SUN1: variants seen among roughly 807,000 people sequenced by gnomAD.
SUN1 encodes the protein SUN domain-containing protein 1.
A neutral mutation model predicts 103.2 loss-of-function variants in SUN1; 61 were observed. The observed-to-expected ratio is 0.59, with a 90% CI of 0.48 to 0.73. The LOEUF is 0.73. Ranked by LOEUF, SUN1 falls within the 30% of genes least tolerant of loss-of-function variation. The pLI is 0.00. For synonymous variants in SUN1, 490 were observed against 425.7 expected, an observed-to-expected ratio of 1.15 and a Z score of -1.86; for missense variants, 1,052 against 1,034.6, an observed-to-expected ratio of 1.02 and a Z score of -0.23.
At chr7:819,370 T>G (rs561032596) in intron 1 of SUN1, among the ~76,000 whole-genome samples, 3 of 152,318 alleles carry the variant, frequency 2.0e-5, no homozygotes, top group Admixed American at 6.5e-5. Context: ...TTTCTGTTTT[T>G]TCTTTTGTTG....
At chr7:816,161 G>A, upstream of SUN1, 4 of 273,952 alleles carry the variant, frequency 1.5e-5, no homozygotes, top group Non-Finnish European at 1.3e-5. Context: ...GCGTATCTGA[G>A]GGGCAGAGCC....
chr7:852,551 A>G, intron 7 of SUN1, 58 bp from the exon 8 acceptor site: 2 of 1,606,478 alleles, frequency 1.2e-6, no homozygotes, highest in East Asian at 2.2e-5. Flanking sequence ...GGGAAAACAG[A>G]TTGGTGAACC....
chr7:871,871 G>A (rs1198483323), intron 17 of SUN1, among the ~76,000 whole-genome samples: 1 of 152,278 alleles, frequency 6.6e-6, no homozygotes, highest in South Asian at 2.1e-4. Context: ...AGAGCTTACT[G>A]TTCTAATAAG....
upstream of SUN1, chr7:816,242 A>ACCCC (rs1780417649): frequency 2.6e-5 from 2 of 78,316 alleles, no homozygotes; most frequent in African/African-American, 1.8e-4. Context: ...CCAGGTGCAG[A>ACCCC]TCCCTCCCCC....
In SUN1 at chr7:854,989, C is replaced by T. The variant is rs1825785833; in HGVS notation, c.1333C>T (p.Leu445=). 6 of 1,612,406 alleles carry T rather than the reference C, an allele frequency of 3.7e-6. No individual in the cohort carries two copies. The highest frequency in any genetic ancestry group is 5.1e-6 in the Non-Finnish European group (6 of 1,179,170). Residue 445 remains leucine, a synonymous_variant, in exon 11 of 19, where the codon CTG becomes TTG. Transcript: ENST00000401592. ...ACACTTGGAAGATATTCTGGGAAAACTGAGAGAAAAATCTGAGGTATTTAT... is the reference window on the plus strand; with the variant it reads ...ACACTTGGAAGATATTCTGGGAAAATTGAGAGAAAAATCTGAGGTATTTAT... ...MSHLEDILGK[L]REKSEAIQKE... is the part of the protein sequence containing the mutation.
At chr7:856,016 G>A (rs11761455) in intron 11 of SUN1, among the ~76,000 whole-genome samples, 1 of 152,212 alleles carries the variant, frequency 6.6e-6, no homozygotes, top group East Asian at 1.9e-4. Flanking sequence ...GCACGGCTCA[G>A]CTTCATGTGT....
Position 838,821 on chromosome 7 carries a change from T to A in SUN1, c.101T>A (p.Leu34Gln). 1 of 1,558,968 alleles carries A rather than the reference T, an allele frequency of 6.4e-7. No individual in the cohort carries two copies. Among genetic ancestry groups the A allele is most frequent in the Non-Finnish European group, 8.7e-7 (1 of 1,150,210 alleles). ...ALSSSYSSDALDFETEHKLDP... is the reference protein window; with the variant it reads ...ALSSSYSSDAQDFETEHKLDP... Reference sequence around the variant, plus strand: ...AGTTCCAGCTATTCTTCAGATGCTCTGGATTTTGAGACGGAGCACAAATTG... The same window carrying A: ...AGTTCCAGCTATTCTTCAGATGCTCAGGATTTTGAGACGGAGCACAAATTG... The change falls in exon 2 of 19, where the codon CTG becomes CAG. Residue 34 changes from leucine (L) to glutamine (Q), a missense_variant. Physicochemically the swap from Leu to Gln is moderately radical, Grantham distance 113 (BLOSUM62 -2). This residue lies in a region of SUN1 where 846 missense variants were observed against 774.5 expected (regional missense o/e 1.09). Transcript: ENST00000401592.
chr7:834,431 A>G (rs560366674), intron 1 of SUN1, among the ~76,000 whole-genome samples: 1 of 152,248 alleles, frequency 6.6e-6, no homozygotes, highest in South Asian at 2.1e-4. Context: ...CCCGTGGAGC[A>G]CAGCCGGAGA....
chr7:862,755 A>G (rs1562790161), intron 15 of SUN1, among the ~76,000 whole-genome samples: 1 of 152,218 alleles, frequency 6.6e-6, no homozygotes, highest in Non-Finnish European at 1.5e-5. Context: ...ATTGAAGAAA[A>G]CATTGATTGA....
intron 17 of SUN1, among the ~76,000 whole-genome samples, chr7:870,898 T>G (rs1009247240): frequency 8.7e-6 from 1 of 115,544 alleles, no homozygotes; most frequent in South Asian, 2.6e-4. Context: ...TTTTTTTTTT[T>G]TTTTTTTTTG....
chr7:829,403 C>G (rs569361282), upstream of SUN1, among the ~76,000 whole-genome samples: 1 of 152,088 alleles, frequency 6.6e-6, no homozygotes, highest in African/African-American at 2.4e-5. Flanking sequence ...GCAGGTGTGC[C>G]GGCGAGCAGT....
chr7:821,384 GA>G (rs1785855964), intron 1 of SUN1, among the ~76,000 whole-genome samples: 1 of 152,002 alleles, frequency 6.6e-6, no homozygotes, highest in South Asian at 2.1e-4. Context: ...TGGTCAGGCT[GA>G]TCTTGATCTC....
intron 1 of SUN1, chr7:817,622 C>G: frequency 6.0e-6 from 7 of 1,175,208 alleles, no homozygotes; most frequent in Non-Finnish European, 8.2e-6. Flanking sequence ...ATAGTATTGC[C>G]CATGAAGTGC....
chr7:832,130 A>T (rs1423693993), upstream of SUN1: 1 of 998,578 alleles, frequency 1.0e-6, no homozygotes. Context: ...GTAAAATAAA[A>T]ACTGATTTCA....
intron 5 of SUN1, among the ~76,000 whole-genome samples, chr7:844,171 C>T (rs931031114): frequency 1.3e-5 from 2 of 152,226 alleles, no homozygotes; most frequent in African/African-American, 2.4e-5. Flanking sequence ...GGCCCCTTTG[C>T]GGCTTCCAGG....
chr7:833,320 T>TG (rs55711234), intron 1 of SUN1: 1 of 134,822 alleles, frequency 7.4e-6, no homozygotes, highest in Non-Finnish European at 1.6e-5. Flanking sequence ...TTTTTTTTTT[T>TG]CGTTTTTTTG....
intron 5 of SUN1, chr7:849,662 C>G: frequency 6.6e-7 from 1 of 1,511,240 alleles, no homozygotes; most frequent in Non-Finnish European, 9.1e-7. Context: ...CACACGCTGT[C>G]ATGTTGGGTA....
upstream of SUN1, chr7:815,940 T>C: frequency 4.9e-6 from 1 of 205,940 alleles, no homozygotes; most frequent in South Asian, 4.7e-5. Context: ...GTGAGCCCCG[T>C]CGGAAGTGGG....
At chr7:868,484 TGGTC>T (rs1427181116) in intron 16 of SUN1, 2 of 301,470 alleles carry the variant, frequency 6.6e-6, no homozygotes, top group Non-Finnish European at 6.5e-6. Flanking sequence ...CCCTTGATGT[TGGTC>T]GGATGGGGGG....
Sources: allele counts gnomAD v4.1 joint callset (sites outside exome capture counted in the v4.1 genomes callset), GRCh38; gene constraint gnomAD v4.1.1; regional missense constraint gnomAD v4.1.1; transcripts MANE v1.5; gene names NCBI Gene and HGNC (gene_info 2026-07-23, HGNC 2026-07-21).